DLD: variants seen among roughly 807,000 people sequenced by gnomAD.
The protein encoded by DLD is dihydrolipoamide dehydrogenase.
In DLD, 36 loss-of-function variants were observed where a neutral mutation model predicts 62.2. That is an observed-to-expected ratio of 0.58 (90% CI 0.44 to 0.76). The LOEUF is 0.76. Ranked by LOEUF, DLD falls within the 30% of genes least tolerant of loss-of-function variation. The pLI is 0.00. For synonymous variants in DLD, 204 were observed against 199.6 expected (o/e 1.02, Z -0.19); for missense variants, 541 against 608.6 (o/e 0.89, Z 1.17).
intron 8 of DLD, among the ~76,000 whole-genome samples, chr7:107,908,656 G>C (rs2032066844): frequency 7.0e-6 from 1 of 143,582 alleles, no homozygotes; most frequent in South Asian, 2.3e-4. Flanking sequence ...AAAAGAGTGA[G>C]ACCCTGTCTC....
Position 107,919,628 on chromosome 7 carries a change from G to C in DLD, c.*369G>C, listed in dbSNP as rs1054301781. 3.4e-5 allele frequency: 7 copies of C among 207,870 alleles called. No individual in the cohort carries two copies. In the Admixed American group the frequency reaches 3.7e-4, roughly 11 times the overall value. 12.9% of individuals were successfully genotyped at this position (207,870 alleles called of 1,614,324 possible). On this transcript the variant is annotated 3_prime_UTR_variant, in exon 14 of 14. Transcript: ENST00000205402. Reference sequence around the variant, plus strand: ...TGGCTGGAGCTAGAATTTGATATGTGAACAGTTGTGTTTGAAGCACAGTGA... The same window carrying C: ...TGGCTGGAGCTAGAATTTGATATGTCAACAGTTGTGTTTGAAGCACAGTGA...
chr7:107,917,565 C>G (rs1227973472), intron 11 of DLD, 103 bp downstream of exon 11: 14 of 1,141,636 alleles, frequency 1.2e-5, no homozygotes, highest in Non-Finnish European at 1.8e-5. Flanking sequence ...TATTTAACAG[C>G]TGTGAAATAT....
Position 107,917,299 on chromosome 7 carries a change from C to T in DLD, c.1073C>T (p.Ala358Val). 1 of 1,614,062 alleles carries T rather than the reference C, an allele frequency of 6.2e-7. No homozygotes were observed. The highest frequency in any genetic ancestry group is 8.5e-7 in the Non-Finnish European group (1 of 1,179,978). ...ATCTATGCCATTGGTGATGTAGTTG[C>T]TGGTCCAATGCTGGCTCACAAAGCA... is the stretch of plus-strand genomic sequence containing the variant. ...PNIYAIGDVV[A>V]GPMLAHKAED... Residue 358 changes from alanine (A) to valine (V), a missense_variant, in exon 11 of 14, where the codon GCT becomes GTT. By Grantham distance (64) the Ala-to-Val change is moderately conservative. Transcript: ENST00000205402.
At chr7:107,916,573 G>A (rs985132243) in intron 9 of DLD, among the ~76,000 whole-genome samples, 4 of 152,060 alleles carry the variant, frequency 2.6e-5, no homozygotes, top group Non-Finnish European at 5.9e-5. Flanking sequence ...TAGGGAGGCT[G>A]AGGCAGGAGA....
intron 2 of DLD, among the ~76,000 whole-genome samples, chr7:107,899,574 T>C (rs184159204): frequency 8.3e-4 from 126 of 152,198 alleles, no homozygotes; most frequent in African/African-American, 2.9e-3. Flanking sequence ...AAAATACATA[T>C]ACTTAAAATC....
chr7:107,911,824 T>TA (rs111285624), intron 8 of DLD, among the ~76,000 whole-genome samples: 15 of 152,096 alleles, frequency 9.9e-5, no homozygotes, highest in African/African-American at 3.6e-4. Flanking sequence ...AACATTTTTT[T>TA]AAATGCTAGG....
intron 2 of DLD, among the ~76,000 whole-genome samples, chr7:107,899,867 T>G (rs1231180077): frequency 1.3e-5 from 2 of 152,048 alleles, no homozygotes; most frequent in African/African-American, 4.8e-5. Flanking sequence ...GAAAAGACAT[T>G]AAAAATTCAG....
At chr7:107,904,682 T>G (rs1215860823) in intron 5 of DLD, 1 of 531,778 alleles carries the variant, frequency 1.9e-6, no homozygotes, top group Non-Finnish European at 3.6e-6. Context: ...CATCGTAAAG[T>G]GTTCAGAGGA....
chr7:107,901,154 C>T (rs1269653979), intron 2 of DLD, among the ~76,000 whole-genome samples: 2 of 151,860 alleles, frequency 1.3e-5, no homozygotes, highest in Non-Finnish European at 2.9e-5. Context: ...CTGTTTTTTC[C>T]CTCATATTTC....
At chr7:107,905,176 T>G (rs907026264) in intron 6 of DLD, 118 bp downstream of exon 6, 7 of 1,043,466 alleles carry the variant, frequency 6.7e-6, no homozygotes, top group Non-Finnish European at 1.0e-5. Flanking sequence ...TAAAATAGCT[T>G]GCTAACCTGA....
At chr7:107,897,826 G>A (rs183638873) in intron 2 of DLD, among the ~76,000 whole-genome samples, 5 of 152,004 alleles carry the variant, frequency 3.3e-5, no homozygotes, top group South Asian at 2.1e-4. Flanking sequence ...TGATCCACCC[G>A]CATTGGCCTC....
intron 8 of DLD, among the ~76,000 whole-genome samples, chr7:107,910,558 G>A (rs1187983277): frequency 6.6e-6 from 1 of 152,020 alleles, no homozygotes; most frequent in Non-Finnish European, 1.5e-5. Flanking sequence ...CCAGTTTAGT[G>A]TAGTGTTAAA....
upstream of DLD, chr7:107,891,174 A>AG (rs963653239): frequency 6.4e-7 from 1 of 1,569,170 alleles, no homozygotes; most frequent in Admixed American, 1.7e-5. Context: ...ATGCGCAGGG[A>AG]GGGGAGACCT....
intron 7 of DLD, 161 bp downstream of exon 7, chr7:107,905,665 A>G (rs928516824): frequency 2.7e-6 from 2 of 731,422 alleles, no homozygotes; most frequent in African/African-American, 3.5e-5. Flanking sequence ...TTCTGCAGTG[A>G]TTCTGACCAG....
At chr7:107,910,997 G>A (rs767022710) in intron 8 of DLD, among the ~76,000 whole-genome samples, 2 of 152,044 alleles carry the variant, frequency 1.3e-5, no homozygotes, top group African/African-American at 2.4e-5. Context: ...CAGCTTTATT[G>A]AGATATAGTT....
chr7:107,913,705 A>G (rs551788228), intron 8 of DLD, among the ~76,000 whole-genome samples: 33 of 152,116 alleles, frequency 2.2e-4, no homozygotes, highest in Non-Finnish European at 3.5e-4. Context: ...TTCCTTTTCA[A>G]TTCGAATGCC....
chr7:107,905,625 C>T, intron 7 of DLD, 121 bp downstream of exon 7: 1 of 1,135,028 alleles, frequency 8.8e-7, no homozygotes, highest in Non-Finnish European at 1.3e-6. Context: ...TTTTGATGGT[C>T]ATTCAGCTTT....
At chr7:107,902,888 T>C (rs1312908975) in intron 4 of DLD, among the ~76,000 whole-genome samples, 3 of 152,234 alleles carry the variant, frequency 2.0e-5, no homozygotes, top group African/African-American at 7.2e-5. Context: ...AGAAACTGAA[T>C]TGGTGTAGTG....
chr7:107,899,391 T>C (rs1293743446), intron 2 of DLD, among the ~76,000 whole-genome samples: 1 of 151,564 alleles, frequency 6.6e-6, no homozygotes, highest in Non-Finnish European at 1.5e-5. Flanking sequence ...TAAGATTACA[T>C]AGTGAATAGG....
Sources: allele counts gnomAD v4.1 joint callset (sites outside exome capture counted in the v4.1 genomes callset), GRCh38; gene constraint gnomAD v4.1.1; transcripts MANE v1.5; gene names NCBI Gene and HGNC (gene_info 2026-07-23, HGNC 2026-07-21).